Variants in SLC35F1 observed in about 807,000 individuals in gnomAD.
The protein encoded by SLC35F1 is solute carrier family 35 member F1.
In SLC35F1, 14 loss-of-function variants were observed where a neutral mutation model predicts 48.7. That is an observed-to-expected ratio of 0.29 (90% confidence interval 0.19 to 0.45). SLC35F1 has a LOEUF of 0.45. Ranked by LOEUF, SLC35F1 falls within the 20% of genes least tolerant of loss-of-function variation. The pLI is 1.00. For synonymous variants in SLC35F1, 190 were observed against 202.2 expected, an observed-to-expected ratio of 0.94 and a Z score of 0.51; for missense variants, 404 against 500.0, an observed-to-expected ratio of 0.81 and a Z score of 1.83.
chr6:117,936,827 A>C (rs1447227543), intron 1 of SLC35F1, among the ~76,000 whole-genome samples: 1 of 152,194 alleles, frequency 6.6e-6, no homozygotes, highest in Non-Finnish European at 1.5e-5. Flanking sequence ...ATTTGCATGG[A>C]ATCCTTTATT....
intron 1 of SLC35F1, among the ~76,000 whole-genome samples, chr6:118,072,994 G>A (rs1475979379): frequency 6.6e-6 from 1 of 152,078 alleles, no homozygotes; most frequent in Admixed American, 6.6e-5. Flanking sequence ...TGTTATAATA[G>A]TATAACTACT....
At chr6:118,152,360 G>A (rs1027198344) in intron 1 of SLC35F1, among the ~76,000 whole-genome samples, 5 of 152,156 alleles carry the variant, frequency 3.3e-5, no homozygotes, top group Admixed American at 6.6e-5. Context: ...AGAGCGTTTA[G>A]GACATGATTT....
intron 1 of SLC35F1, among the ~76,000 whole-genome samples, chr6:117,951,380 G>A (rs767024870): frequency 2.0e-5 from 3 of 152,180 alleles, no homozygotes; most frequent in East Asian, 1.9e-4. Context: ...ACATAAAACT[G>A]TCTTGGAGAT....
At chr6:118,236,024 A>G (rs1775360907) in intron 3 of SLC35F1, among the ~76,000 whole-genome samples, 1 of 152,226 alleles carries the variant, frequency 6.6e-6, no homozygotes, top group African/African-American at 2.4e-5. Context: ...ATCAATTTTA[A>G]TCACAACTTA....
chr6:118,028,352 A>G (rs1182152845), intron 1 of SLC35F1, among the ~76,000 whole-genome samples: 1 of 152,002 alleles, frequency 6.6e-6, no homozygotes, highest in African/African-American at 2.4e-5. Context: ...TCTGGAGAGG[A>G]TCTAGTAAGA....
At chr6:118,301,112 T>C (rs1776250974) in intron 7 of SLC35F1, among the ~76,000 whole-genome samples, 1 of 152,180 alleles carries the variant, frequency 6.6e-6, no homozygotes, top group Non-Finnish European at 1.5e-5. Flanking sequence ...AGAGACCTCA[T>C]AGGGCTCCTT....
At chr6:118,061,584 G>GTATATA (rs1358869588) in intron 1 of SLC35F1, among the ~76,000 whole-genome samples, 6 of 87,378 alleles carry the variant, frequency 6.9e-5, no homozygotes, top group Non-Finnish European at 1.4e-4. Flanking sequence ...GTGTGTGTGT[G>GTATATA]TGTGTGTATA....
intron 1 of SLC35F1, among the ~76,000 whole-genome samples, chr6:118,007,030 G>T (rs910421122): frequency 2.1e-4 from 31 of 147,008 alleles, no homozygotes; most frequent in African/African-American, 6.9e-4. Flanking sequence ...AACACATGTT[G>T]TTTTTTTTTT....
chr6:118,155,580 C>T (rs1177657184), intron 2 of SLC35F1, among the ~76,000 whole-genome samples: 2 of 152,120 alleles, frequency 1.3e-5, no homozygotes, highest in Non-Finnish European at 2.9e-5. Context: ...GCCTCCAGAA[C>T]CATAAGAAAT....
In SLC35F1 at chr6:118,279,176, A is replaced by C. The variant is rs114990004; in HGVS notation, c.847+1630A>C. Among the ~76,000 whole-genome samples the C allele has an allele frequency of 5.2e-3, 790 of 152,358 alleles. 7 individuals carry two copies. Among genetic ancestry groups the C allele is most frequent in the African/African-American group, 0.018 (749 of 41,582 alleles). ...ATTTAGAATGTTCCCAACACACACA[A>C]AAAAATTAATCAATGGTTGAGGTGA... On this transcript the variant is annotated intron_variant, in intron 6 of 7. Coordinates refer to ENST00000360388, the MANE Select transcript of SLC35F1 (RefSeq NM_001029858.4).
chr6:118,115,523 T>TC (rs1773466070), intron 1 of SLC35F1, among the ~76,000 whole-genome samples: 1 of 152,200 alleles, frequency 6.6e-6, no homozygotes, highest in South Asian at 2.1e-4. Context: ...TTGGGGGGTT[T>TC]CCCACCAGAT....
At chr6:118,264,354 T>C (rs945878792) in intron 3 of SLC35F1, among the ~76,000 whole-genome samples, 6 of 152,242 alleles carry the variant, frequency 3.9e-5, no homozygotes, top group Non-Finnish European at 7.3e-5. Context: ...CATTGTATGA[T>C]AAGCACCAGG....
intron 1 of SLC35F1, among the ~76,000 whole-genome samples, chr6:118,049,770 CT>C (rs1401372443): frequency 5.3e-5 from 8 of 151,844 alleles, no homozygotes; most frequent in Non-Finnish European, 1.2e-4. Context: ...GTTGGTGGGA[CT>C]GTAAACTAAT....
chr6:118,123,651 C>T (rs1773584567), intron 1 of SLC35F1, among the ~76,000 whole-genome samples: 1 of 151,412 alleles, frequency 6.6e-6, no homozygotes, highest in Admixed American at 6.6e-5. Context: ...GATTTCTAGT[C>T]TTAAAATGGT....
At chr6:118,097,838 G>A (rs1171476556) in intron 1 of SLC35F1, among the ~76,000 whole-genome samples, 1 of 152,176 alleles carries the variant, frequency 6.6e-6, no homozygotes, top group Non-Finnish European at 1.5e-5. Flanking sequence ...TTATTCTAGA[G>A]TGAATTTTTC....
At chr6:118,065,566 C>T (rs760264406) in intron 1 of SLC35F1, among the ~76,000 whole-genome samples, 13 of 152,030 alleles carry the variant, frequency 8.6e-5, no homozygotes, top group Non-Finnish European at 1.6e-4. Context: ...ACAACTATGA[C>T]ATATCAATTT....
intron 7 of SLC35F1, among the ~76,000 whole-genome samples, chr6:118,295,306 A>T (rs1430546010): frequency 1.3e-5 from 2 of 152,186 alleles, no homozygotes; most frequent in Non-Finnish European, 2.9e-5. Context: ...TGTGCCAGCC[A>T]CTGTTTTGGT....
intron 1 of SLC35F1, among the ~76,000 whole-genome samples, chr6:118,018,943 G>A (rs1476602313): frequency 6.6e-6 from 1 of 152,160 alleles, no homozygotes; most frequent in Admixed American, 6.6e-5. Context: ...AATAGTGCTT[G>A]ATGAAGACTG....
intron 2 of SLC35F1, among the ~76,000 whole-genome samples, chr6:118,231,631 G>A (rs1775294325): frequency 6.6e-6 from 1 of 152,178 alleles, no homozygotes; most frequent in African/African-American, 2.4e-5. Flanking sequence ...GAAACAATAT[G>A]GAAGCATTTA....
Sources: gnomAD v4.1 joint callset for allele counts (sites outside exome capture counted in the v4.1 genomes callset) on GRCh38, gnomAD v4.1.1 for gene constraint, MANE v1.5 for transcripts, NCBI Gene and HGNC (gene_info 2026-07-23, HGNC 2026-07-21) for gene names.